The following ABCA13 variants were observed in gnomAD, a reference collection of about 807,000 sequenced individuals.
The protein encoded by ABCA13 is ATP-binding cassette sub-family A member 13.
ABCA13 carries 476 observed loss-of-function variants against 478.7 expected under a neutral mutation model. That is an observed-to-expected ratio of 0.99 (90% CI 0.92 to 1.07). The LOEUF is 1.07. ABCA13 is among the 50% of genes least tolerant of loss of function. The pLI, the probability that ABCA13 is intolerant of heterozygous loss-of-function variation, is 0.00. For missense variants in ABCA13, 6,060 were observed against 5,910.6 expected (o/e 1.03, Z -0.83); for synonymous variants, 2,252 against 2,158.9 (o/e 1.04, Z -1.20).
rs191122821 is a variant in ABCA13, at chr7:48,643,901, T to C, written c.14943+508T>C. 2.0e-3 allele frequency among the ~76,000 whole-genome samples: 299 copies of C among 152,220 alleles called. 1 individual carries two copies. The highest frequency in any genetic ancestry group is 6.8e-3 in the African/African-American group (281 of 41,536). Reference sequence around the variant, plus strand: ...ATGCAGAATCACAGGCCCCAACCTATTGAATGGGAATCTGCATTTTAACAA... The same window carrying C: ...ATGCAGAATCACAGGCCCCAACCTACTGAATGGGAATCTGCATTTTAACAA... On this transcript the variant is annotated intron_variant, in intron 60 of 61. Transcript: ENST00000435803.
intron 15 of ABCA13, among the ~76,000 whole-genome samples, chr7:48,267,094 G>A (rs1423106462): frequency 6.6e-6 from 1 of 151,966 alleles, no homozygotes; most frequent in African/African-American, 2.4e-5. Context: ...TTATGGTCTG[G>A]AATATGATCT....
chr7:48,307,205 C>T (rs1222619793), intron 23 of ABCA13, among the ~76,000 whole-genome samples: 1 of 152,208 alleles, frequency 6.6e-6, no homozygotes, highest in Non-Finnish European at 1.5e-5. Flanking sequence ...ATTATGTGAA[C>T]ATTATAGTGT....
intron 55 of ABCA13, among the ~76,000 whole-genome samples, chr7:48,549,397 G>T (rs546098704): frequency 2.0e-5 from 3 of 151,602 alleles, no homozygotes; most frequent in African/African-American, 7.3e-5. Context: ...ACATGATCTC[G>T]TTCTTTTTTA....
chr7:48,562,616 A>G (rs1236338987), intron 55 of ABCA13, among the ~76,000 whole-genome samples: 2 of 152,170 alleles, frequency 1.3e-5, no homozygotes, highest in East Asian at 3.9e-4. Flanking sequence ...GAGATGTTTG[A>G]GTCAGGATTT....
intron 48 of ABCA13, among the ~76,000 whole-genome samples, chr7:48,490,800 A>G (rs1449497452): frequency 1.3e-5 from 2 of 152,192 alleles, no homozygotes; most frequent in African/African-American, 4.8e-5. Context: ...TTAGTAAGCA[A>G]TGGACAGGCT....
chr7:48,522,573 C>T (rs1037968062), intron 53 of ABCA13, among the ~76,000 whole-genome samples: 1 of 152,066 alleles, frequency 6.6e-6, no homozygotes, highest in Non-Finnish European at 1.5e-5. Flanking sequence ...ATACAGGGAT[C>T]GTTTGTTAGT....
Position 48,643,309 on chromosome 7 carries a change from C to G in ABCA13, c.14859C>G (p.Val4953=), listed in dbSNP as rs566561424. Residue 4953 remains valine (V), a synonymous_variant, in exon 60 of 62, where the codon GTC becomes GTG. Coordinates refer to ENST00000435803, the MANE Select transcript of ABCA13 (RefSeq NM_152701.5). ...IKNRFGDGYT[V]KVWLCKEANQ... ...TCAGGTTTGGTGATGGTTATACAGT[C>G]AAAGTTTGGCTCTGTAAGGAAGCAA... 1.2e-6 allele frequency: 2 copies of G among 1,611,156 alleles called. No homozygotes were observed. Among genetic ancestry groups the G allele is most frequent in the African/African-American group, 2.7e-5 (2 of 74,912 alleles).
chr7:48,412,334 T>G lies in ABCA13; in HGVS notation c.12229-19T>G, dbSNP rs1172199550. 2 of 1,574,664 alleles carry G rather than the reference T, an allele frequency of 1.3e-6. No homozygotes were observed. Among genetic ancestry groups the G allele is most frequent in the Non-Finnish European group, 1.7e-6 (2 of 1,153,746 alleles). On this transcript the variant is annotated intron_variant, in intron 40 of 61. Coordinates refer to ENST00000435803, the MANE Select transcript of ABCA13 (RefSeq NM_152701.5). The stretch of plus-strand genomic sequence containing the variant: ...TAACATTCCTTACTGGCTTCTTTTT[T>G]CCTTTTTTTTATGGATAGCCTTCTG...
intron 23 of ABCA13, among the ~76,000 whole-genome samples, chr7:48,299,814 A>G (rs1479574516): frequency 1.3e-5 from 2 of 152,142 alleles, no homozygotes; most frequent in African/African-American, 4.8e-5. Context: ...TGCACAGAGA[A>G]GGCTCCTGTG....
Position 48,227,403 on chromosome 7 carries a change from A to G in ABCA13, c.610A>G (p.Asn204Asp), listed in dbSNP as rs1788382933. 6.2e-7 allele frequency: 1 copy of G among 1,613,874 alleles called. No individual in the cohort carries two copies. Among genetic ancestry groups the G allele is most frequent in the Non-Finnish European group, 8.5e-7 (1 of 1,179,894 alleles). The change falls in exon 6 of 62, where the codon AAC becomes GAC. Residue 204 changes from asparagine to aspartate, a missense_variant. By Grantham distance (23) the Asn-to-Asp change is conservative (BLOSUM62 1). Around this residue, in one of 3 missense-constraint regions of ABCA13, gnomAD observed 4,423 missense variants for 4,309.1 expected, o/e 1.03. Coordinates refer to ENST00000435803, the MANE Select transcript of ABCA13 (RefSeq NM_152701.5). ...GGAAGATGGCATGGATGTTGCAGTG[A>G]ACCTTCTCCAGACCATTTTGAAGTG... is the stretch of plus-strand genomic sequence containing the variant. ...HVEDGMDVAV[N>D]LLQTILNSLI...
intron 35 of ABCA13, among the ~76,000 whole-genome samples, chr7:48,382,386 G>A (rs748125148): frequency 6.6e-6 from 1 of 152,140 alleles, no homozygotes; most frequent in Non-Finnish European, 1.5e-5. Context: ...CAGGCCACCC[G>A]AACCTGCTCT....
At chr7:48,398,763 T>C (rs1348676743) in intron 38 of ABCA13, among the ~76,000 whole-genome samples, 2 of 152,148 alleles carry the variant, frequency 1.3e-5, no homozygotes, top group African/African-American at 4.8e-5. Flanking sequence ...TGTTTGATAG[T>C]AATGAGATCA....
At chr7:48,231,656 C>CTATTATTATTATTATTATTATTAT (rs151023674) in intron 7 of ABCA13, among the ~76,000 whole-genome samples, 3 of 150,664 alleles carry the variant, frequency 2.0e-5, no homozygotes, top group African/African-American at 7.3e-5. Flanking sequence ...GTCTCCTGAA[C>CTATTATTATTATTATTATTATTAT]TATTATTATT....
Position 48,376,439 on chromosome 7 carries a change from A to G in ABCA13, c.11204-2A>G, listed in dbSNP as rs370469402. The G allele has an allele frequency of 8.7e-6, 14 of 1,612,758 alleles. No individual in the cohort carries two copies. The highest frequency in any genetic ancestry group is 1.1e-5 in the Non-Finnish European group (13 of 1,179,520). On this transcript the variant is annotated splice_acceptor_variant, in intron 34 of 61. Coordinates refer to ENST00000435803, the MANE Select transcript of ABCA13 (RefSeq NM_152701.5). LOFTEE classifies it high-confidence loss of function. The stretch of plus-strand genomic sequence containing the variant: ...TAACTCTGACCTTTTTCTTCCTGCT[A>G]GGGATTCAATGGAATAATATGTACC...
Position 48,332,891 on chromosome 7 carries a change from T to C in ABCA13, c.10000-2531T>C, listed in dbSNP as rs185895207. 2.2e-4 allele frequency among the ~76,000 whole-genome samples: 34 copies of C among 152,276 alleles called. No homozygotes were observed. In the East Asian group the frequency reaches 6.4e-3, roughly 29 times the overall value. ...TTTTACTGTGTTCAGATTTTAGAAG[T>C]TTAATTATGGTGTGGTTTAATGTAG... On this transcript the variant is annotated intron_variant, in intron 27 of 61. Transcript: ENST00000435803.
chr7:48,302,869 G>A (rs1038202047), intron 23 of ABCA13, among the ~76,000 whole-genome samples: 1 of 152,188 alleles, frequency 6.6e-6, no homozygotes, highest in Admixed American at 6.5e-5. Flanking sequence ...CCAGTAATGG[G>A]TCAAATGGTA....
chr7:48,236,980 A>AAATC (rs1790052147), intron 8 of ABCA13, among the ~76,000 whole-genome samples: 1 of 151,326 alleles, frequency 6.6e-6, no homozygotes, highest in South Asian at 2.1e-4. Flanking sequence ...GTTATTACTC[A>AAATC]AATCAGCCTC....
intron 42 of ABCA13, among the ~76,000 whole-genome samples, chr7:48,432,580 C>G (rs1351392901): frequency 6.6e-6 from 1 of 152,040 alleles, no homozygotes. Context: ...AAGTGTTCAT[C>G]AACAGATGAA....
chr7:48,291,455 C>T (rs948768417), intron 20 of ABCA13, among the ~76,000 whole-genome samples: 3 of 152,110 alleles, frequency 2.0e-5, no homozygotes, highest in African/African-American at 7.2e-5. Context: ...AGGGATGGTT[C>T]CCAAAGTAGT....
Sources: gnomAD v4.1 joint callset for allele counts (sites outside exome capture counted in the v4.1 genomes callset) on GRCh38, gnomAD v4.1.1 for gene constraint, gnomAD v4.1.1 regional missense constraint, MANE v1.5 for transcripts, NCBI Gene and HGNC (gene_info 2026-07-23, HGNC 2026-07-21) for gene names.